Variants in ASRGL1 observed in about 807,000 individuals in gnomAD.
The protein encoded by ASRGL1 is asparaginase and isoaspartyl peptidase 1, also known as isoaspartyl peptidase/L-asparaginase.
A neutral mutation model predicts 22.4 loss-of-function variants in ASRGL1; 16 were observed. The ratio of observed to expected loss-of-function variants is 0.71; its 90% CI spans 0.48 to 1.08. The LOEUF (loss-of-function observed/expected upper bound fraction) is 1.08. Ranked by LOEUF, ASRGL1 falls within the 50% of genes least tolerant of loss-of-function variation. ASRGL1 has a pLI of 0.00. For synonymous variants in ASRGL1, 165 were observed against 159.3 expected, an observed-to-expected ratio of 1.04 and a Z score of -0.27; for missense variants, 412 against 410.1, an observed-to-expected ratio of 1.00 and a Z score of -0.04.
intron 4 of ASRGL1, among the ~76,000 whole-genome samples, chr11:62,367,325 G>GAA (rs1321826475): frequency 6.9e-6 from 1 of 145,182 alleles, no homozygotes; most frequent in African/African-American, 2.6e-5. Context: ...GCGACAGAGT[G>GAA]AAACTCTGTC....
chr11:62,395,759 CTTTTT>C (rs564952668), downstream of ASRGL1, among the ~76,000 whole-genome samples: 5 of 71,942 alleles, frequency 7.0e-5, no homozygotes, highest in African/African-American at 2.0e-4. Context: ...GTAGCTGTTT[CTTTTT>C]TTTTTTTTTT....
chr11:62,386,090 A>C (rs1008161909), intron 4 of ASRGL1, among the ~76,000 whole-genome samples: 1 of 152,184 alleles, frequency 6.6e-6, no homozygotes, highest in Non-Finnish European at 1.5e-5. Flanking sequence ...TGAACCCATG[A>C]GGCAGAGGTT....
chr11:62,357,022 G>T lies in ASRGL1; in HGVS notation c.369G>T (p.Ala123=). 2 of 1,613,796 alleles carry T rather than the reference G, an allele frequency of 1.2e-6. No homozygotes were observed. Among genetic ancestry groups the T allele is most frequent in the Non-Finnish European group, 1.7e-6 (2 of 1,179,982 alleles). ...GCTTTCTGACTGACCAAGGCGCAGC[G>T]CAGTTTGCAGCAGCTATGGGGGTTC... ...PHCFLTDQGA[A]QFAAAMGVPE... Residue 123 remains alanine, a synonymous_variant, in exon 4 of 7, where the codon GCG becomes GCT. Transcript: ENST00000415229.
the ASRGL1 span, among the ~76,000 whole-genome samples, chr11:62,399,936 A>G: frequency 6.6e-6 from 1 of 152,212 alleles, no homozygotes; most frequent in African/African-American, 2.4e-5. Flanking sequence ...CCTGTGCTCA[A>G]GGATGAAGAC....
chr11:62,375,081 G>T (rs1946878286), intron 4 of ASRGL1, among the ~76,000 whole-genome samples: 1 of 151,952 alleles, frequency 6.6e-6, no homozygotes, highest in South Asian at 2.1e-4. Context: ...TGTAAACCCG[G>T]CAGCCAGCCT....
intron 2 of ASRGL1, among the ~76,000 whole-genome samples, chr11:62,342,236 A>T (rs1945882322): frequency 6.6e-6 from 1 of 152,254 alleles, no homozygotes. Context: ...TGAGATAGGT[A>T]AAAACACCTT....
At chr11:62,346,980 AAAAG>A (rs1946041524) in intron 2 of ASRGL1, among the ~76,000 whole-genome samples, 2 of 152,182 alleles carry the variant, frequency 1.3e-5, no homozygotes, top group Admixed American at 6.5e-5. Context: ...AAAAAAAAAA[AAAAG>A]AAAAATAACG....
intron 4 of ASRGL1, among the ~76,000 whole-genome samples, chr11:62,387,442 C>A (rs1341579244): frequency 2.0e-5 from 3 of 152,116 alleles, no homozygotes; most frequent in African/African-American, 7.2e-5. Flanking sequence ...GTATGGTCAC[C>A]CCACTTGTCA....
At chr11:62,389,431 G>C in intron 5 of ASRGL1, 180 bp downstream of exon 5, 1 of 700,756 alleles carries the variant, frequency 1.4e-6, no homozygotes, top group South Asian at 1.5e-5. Context: ...GCTGCCTTGA[G>C]AGGGTGTTTG....
chr11:62,337,677 C>T (rs1945754335), intron 1 of ASRGL1, 103 bp downstream of exon 1: 5 of 350,228 alleles, frequency 1.4e-5, no homozygotes, highest in Admixed American at 4.6e-5. Context: ...CATCCTCCTT[C>T]GGCGCCGGGG....
chr11:62,373,732 C>G (rs1053480634), intron 4 of ASRGL1, among the ~76,000 whole-genome samples: 2 of 152,246 alleles, frequency 1.3e-5, no homozygotes, highest in African/African-American at 4.8e-5. Context: ...TTCTGTTTCT[C>G]CTCTTGGCTG....
At chr11:62,356,889 C>A in intron 3 of ASRGL1, 98 bp from the exon 4 acceptor site, 2 of 1,362,988 alleles carry the variant, frequency 1.5e-6, no homozygotes, top group Non-Finnish European at 2.0e-6. Context: ...TGATCCTTTG[C>A]ACCCAGAGAG....
chr11:62,342,748 ACT>A (rs796257577), intron 2 of ASRGL1, among the ~76,000 whole-genome samples: 11 of 151,362 alleles, frequency 7.3e-5, no homozygotes, highest in African/African-American at 2.7e-4. Context: ...GCAAAGAGAG[ACT>A]CTGTCTCCAA....
chr11:62,386,096 A>C (rs1371753489), intron 4 of ASRGL1, among the ~76,000 whole-genome samples: 2 of 152,212 alleles, frequency 1.3e-5, no homozygotes, highest in Admixed American at 1.3e-4. Flanking sequence ...CATGAGGCAG[A>C]GGTTGCAGTG....
downstream of ASRGL1, among the ~76,000 whole-genome samples, chr11:62,397,535 A>G (rs550361770): frequency 6.6e-6 from 1 of 152,000 alleles, no homozygotes; most frequent in East Asian, 2.0e-4. Context: ...ATGGTGATGC[A>G]TGCCTGTAAT....
intron 6 of ASRGL1, 31 bp from the exon 7 acceptor site, chr11:62,392,048 G>A: frequency 6.2e-7 from 1 of 1,604,484 alleles, no homozygotes; most frequent in Non-Finnish European, 8.5e-7. Context: ...TCAGTAATGT[G>A]TGTTGTTTCT....
intron 4 of ASRGL1, chr11:62,371,237 A>G: frequency 7.9e-7 from 1 of 1,273,100 alleles, no homozygotes; most frequent in Non-Finnish European, 1.0e-6. Context: ...CGCAGCCGGA[A>G]GCGCGAGCCT....
At chr11:62,357,188 T>C in intron 4 of ASRGL1, 44 bp downstream of exon 4, 2 of 1,583,184 alleles carry the variant, frequency 1.3e-6, no homozygotes, top group East Asian at 2.2e-5. Flanking sequence ...GTTATTAAAA[T>C]ATGAAAGTTT....
rs145031754 is a variant in ASRGL1 at position 62,391,623 on chromosome 11, A to G, written c.712A>G (p.Ile238Val). Reference protein sequence around the residue: ...VNLARLTLFHIEQGKTVEEAA... With the variant: ...VNLARLTLFHVEQGKTVEEAA... Reference sequence around the variant, plus strand: ...CCTGGCTAGACTCACCCTGTTCCACATAGAACAAGGTACACAGACCACAGG... The same window carrying G: ...CCTGGCTAGACTCACCCTGTTCCACGTAGAACAAGGTACACAGACCACAGG... Residue 238 changes from isoleucine (I) to valine (V), a missense_variant, in exon 6 of 7, where the codon ATA becomes GTA. By Grantham distance (29) the Ile-to-Val change is conservative. Coordinates refer to ENST00000415229, the MANE Select transcript of ASRGL1 (RefSeq NM_001083926.2). 1.2e-4 allele frequency: 187 copies of G among 1,608,730 alleles called. No homozygotes were observed. Among genetic ancestry groups the G allele is most frequent in the Non-Finnish European group, 1.4e-4 (159 of 1,177,354 alleles).
Sources: allele counts gnomAD v4.1 joint callset (sites outside exome capture counted in the v4.1 genomes callset), GRCh38; gene constraint gnomAD v4.1.1; transcripts MANE v1.5; gene names NCBI Gene and HGNC (gene_info 2026-07-23, HGNC 2026-07-21).